The following UBE2W variants were observed in gnomAD, a reference collection of about 807,000 sequenced individuals.
UBE2W encodes ubiquitin-conjugating enzyme E2 W.
A neutral mutation model predicts 27.2 loss-of-function variants in UBE2W; 18 were observed. The ratio of observed to expected loss-of-function variants is 0.66; its 90% confidence interval spans 0.46 to 0.98. The LOEUF (loss-of-function observed/expected upper bound fraction) is 0.98. Ranked by LOEUF, UBE2W falls within the 50% of genes least tolerant of loss-of-function variation. The pLI is 0.00. For synonymous variants in UBE2W, 53 were observed against 57.2 expected (o/e 0.93, Z 0.33); for missense variants, 90 against 180.2 (o/e 0.50, Z 2.87).
Position 73,790,026 on chromosome 8 carries a change from CAAG to C in UBE2W, c.*4073_*4075del. On this transcript the variant is annotated 3_prime_UTR_variant, in exon 6 of 6. Coordinates refer to ENST00000602593, the MANE Select transcript of UBE2W (RefSeq NM_018299.6). Reference sequence around the variant, plus strand: ...TAATTACAGCTAACAGCTCATTTACCAAGTAGTCAATTATTCAACAAATTTAGC... The same window carrying C: ...TAATTACAGCTAACAGCTCATTTACCTAGTCAATTATTCAACAAATTTAGC... 1 of 985,060 alleles carries C rather than the reference CAAG, an allele frequency of 1.0e-6. No individual in the cohort carries two copies. The highest frequency in any genetic ancestry group is 6.2e-5 in the Admixed American group (1 of 16,248). 61.0% of individuals were successfully genotyped at this position (985,060 alleles called of 1,614,324 possible). A position where few individuals can be genotyped will look rare whatever the true frequency, so the allele number is the denominator to read the frequency against.
At chr8:73,850,725 T>TAAAAAA (rs11318665) in intron 1 of UBE2W, among the ~76,000 whole-genome samples, 8 of 63,590 alleles carry the variant, frequency 1.3e-4, no homozygotes, top group Non-Finnish European at 1.8e-4. Context: ...AGCAGGACAT[T>TAAAAAA]AAAAAAAAAA....
At chr8:73,869,242 A>C (rs966528160) in intron 1 of UBE2W, among the ~76,000 whole-genome samples, 4 of 152,216 alleles carry the variant, frequency 2.6e-5, no homozygotes, top group Admixed American at 2.0e-4. Context: ...CCTCGGCAAC[A>C]CAGTGAATCT....
chr8:73,831,057 C>T lies in UBE2W; in HGVS notation c.16-585G>A, dbSNP rs913346098. ...TCTGGAACGGAACATGGAAACTCCA[C>T]ATCCCTTCCCTCATGTACTTCTTCA... On this transcript the variant is annotated intron_variant, in intron 1 of 5. Transcript: ENST00000602593. The T allele has an allele frequency of 1.5e-5, 3 of 200,510 alleles. No individual in the cohort carries two copies. In the East Asian group the frequency reaches 3.9e-4, roughly 26 times the overall value. The allele number at this position is 200,510 out of a possible 1,614,324, so 12.4% of individuals were successfully genotyped here.
intron 5 of UBE2W, among the ~76,000 whole-genome samples, chr8:73,796,385 A>G (rs1368651470): frequency 2.0e-5 from 3 of 152,224 alleles, no homozygotes; most frequent in African/African-American, 7.2e-5. Context: ...ATTTGAACAT[A>G]ATGTTATCCA....
At chr8:73,869,799 G>C (rs535515742) in intron 1 of UBE2W, among the ~76,000 whole-genome samples, 1 of 152,060 alleles carries the variant, frequency 6.6e-6, no homozygotes, top group Non-Finnish European at 1.5e-5. Context: ...AGGAGGCAGA[G>C]GTTGCAGTGA....
rs17223858 is a variant in UBE2W at position 73,786,568 on chromosome 8, C to T, written c.*7534G>A. The stretch of plus-strand genomic sequence containing the variant: ...GACAAGGATGATAACCTTTCAGCTA[C>T]CTTTGAACTAGACCTTTCAGGTAGA... On this transcript the variant is annotated 3_prime_UTR_variant, in exon 6 of 6. Transcript: ENST00000602593. 49,598 of 985,328 alleles carry T rather than the reference C, an allele frequency of 0.05. 1,423 individuals are homozygous for T. Among genetic ancestry groups the T allele is most frequent in the Middle Eastern group, 0.068 (131 of 1,914 alleles). 61.0% of individuals were successfully genotyped at this position (985,328 alleles called of 1,614,324 possible).
At chr8:73,785,353 A>T (rs1231304646), downstream of UBE2W, among the ~76,000 whole-genome samples, 2 of 152,130 alleles carry the variant, frequency 1.3e-5, no homozygotes, top group Non-Finnish European at 2.9e-5. Context: ...CATGTTGGCC[A>T]GGCTTGTATC....
At chr8:73,816,486 A>C (rs912954696) in intron 3 of UBE2W, among the ~76,000 whole-genome samples, 5 of 152,210 alleles carry the variant, frequency 3.3e-5, no homozygotes, top group Non-Finnish European at 7.3e-5. Flanking sequence ...CAAAGAATGA[A>C]TTTTGAGCAA....
chr8:73,805,539 CATAAAT>C, intron 5 of UBE2W, 106 bp downstream of exon 5: 2 of 311,710 alleles, frequency 6.4e-6, no homozygotes, highest in Non-Finnish European at 1.1e-5. Context: ...CTTCATATAA[CATAAAT>C]ATAACACCAA....
intron 3 of UBE2W, among the ~76,000 whole-genome samples, chr8:73,815,170 A>G (rs937009390): frequency 6.6e-6 from 1 of 152,178 alleles, no homozygotes; most frequent in Non-Finnish European, 1.5e-5. Context: ...TGAGCCCTGG[A>G]GCTCAAGACC....
In UBE2W at chr8:73,855,741, A is replaced by G. The variant is rs116046692; in HGVS notation, c.15+23067T>C. Among the ~76,000 whole-genome samples the G allele has an allele frequency of 4.3e-3, 651 of 152,214 alleles. 6 individuals are homozygous for G. Among genetic ancestry groups the G allele is most frequent in the African/African-American group, 0.015 (625 of 41,552 alleles). On this transcript the variant is annotated intron_variant, in intron 1 of 5. Transcript: ENST00000602593. ...TTCTTGACTGTGAACAGTGCTGTAT[A>G]TGGTCTGTAAGTGTGTAGGTATGAA...
intron 1 of UBE2W, among the ~76,000 whole-genome samples, chr8:73,860,338 T>C (rs1398749171): frequency 6.6e-6 from 1 of 152,184 alleles, no homozygotes; most frequent in African/African-American, 2.4e-5. Context: ...AAGCAAAAGA[T>C]AGACAGCAAT....
chr8:73,802,825 C>G (rs1291953762), intron 5 of UBE2W, among the ~76,000 whole-genome samples: 1 of 152,142 alleles, frequency 6.6e-6, no homozygotes, highest in African/African-American at 2.4e-5. Context: ...AGATCAAGAC[C>G]ATCCTGGCTA....
At position 73,790,470 on chromosome 8, in the gene UBE2W, C is replaced by T. The variant is rs573465635; in HGVS notation, c.*3632G>A. ...CTCAGAAAAGAAGAATATGGTTAAG[C>T]TTCAGTTCTTTTTGAAAAGCAATTT... On this transcript the variant is annotated 3_prime_UTR_variant, in exon 6 of 6. Coordinates refer to ENST00000602593, the MANE Select transcript of UBE2W (RefSeq NM_018299.6). 1.2e-5 allele frequency: 12 copies of T among 984,978 alleles called. No individual in the cohort carries two copies. In the African/African-American group the frequency reaches 1.7e-4, roughly 14 times the overall value. The allele number at this position is 984,978 out of a possible 1,614,324, so 61.0% of individuals were successfully genotyped here. A position where few individuals can be genotyped will look rare whatever the true frequency, so the allele number is the denominator to read the frequency against.
downstream of UBE2W, among the ~76,000 whole-genome samples, chr8:73,784,147 C>T (rs193046111): frequency 3.1e-4 from 47 of 152,256 alleles, 1 homozygote; most frequent in African/African-American, 1.1e-3. Context: ...ATGCCCTCAT[C>T]TTCACTCTCC....
chr8:73,813,081 C>CAAAA (rs1809228993), intron 3 of UBE2W, among the ~76,000 whole-genome samples: 1 of 3,556 alleles, frequency 2.8e-4, no homozygotes, highest in African/African-American at 3.7e-4. Flanking sequence ...CTGAAAGTGC[C>CAAAA]ACAAAAAAAA....
chr8:73,797,510 G>A (rs990105832), intron 5 of UBE2W, among the ~76,000 whole-genome samples: 1 of 152,168 alleles, frequency 6.6e-6, no homozygotes, highest in Admixed American at 6.5e-5. Context: ...TTGGACTCAG[G>A]AATTTAGTAA....
rs1808236682 is a variant in UBE2W at position 73,792,275 on chromosome 8, T to C, written c.*1827A>G. 7 of 985,676 alleles carry C rather than the reference T, an allele frequency of 7.1e-6. No homozygotes were observed. The South Asian group carries it at 2.8e-4, about 40-fold the overall frequency. 61.1% of individuals were successfully genotyped at this position (985,676 alleles called of 1,614,324 possible). On this transcript the variant is annotated 3_prime_UTR_variant, in exon 6 of 6. Transcript: ENST00000602593. ...CAAGATAGAACAAAAACGGTTATAA[T>C]TTTTTAAAAGTGGTAATTGTTAACT...
At chr8:73,823,741 A>G (rs1217125848) in intron 3 of UBE2W, among the ~76,000 whole-genome samples, 1 of 152,184 alleles carries the variant, frequency 6.6e-6, no homozygotes, top group African/African-American at 2.4e-5. Context: ...ATAAGTCCTA[A>G]AAGTCTTGGT....
Sources: allele counts gnomAD v4.1 joint callset (sites outside exome capture counted in the v4.1 genomes callset), GRCh38; gene constraint gnomAD v4.1.1; transcripts MANE v1.5; gene names NCBI Gene and HGNC (gene_info 2026-07-23, HGNC 2026-07-21).